TSC2: variants seen among roughly 807,000 people sequenced by gnomAD.
TSC2 encodes the protein TSC complex subunit 2, also known as tuberin.
In TSC2, 29 loss-of-function variants were observed where a neutral mutation model predicts 202.2. The observed-to-expected ratio is 0.14, with a 90% CI of 0.11 to 0.20. The LOEUF is 0.20. TSC2 is among the 10% of genes least tolerant of loss of function. The pLI is 1.00. For missense variants in TSC2, 2,429 were observed against 2,420.0 expected (o/e 1.00, Z -0.08); for synonymous variants, 1,349 against 1,044.0 (o/e 1.29, Z -5.63).
At chr16:2,073,982 G>A (rs1380605398) in intron 21 of TSC2, among the ~76,000 whole-genome samples, 2 of 152,262 alleles carry the variant, frequency 1.3e-5, no homozygotes, top group African/African-American at 2.4e-5. Flanking sequence ...TCTGGGTTCT[G>A]TTGGCCTGTG....
intron 30 of TSC2, chr16:2,080,621 C>T: frequency 1.9e-6 from 1 of 528,510 alleles, no homozygotes; most frequent in Non-Finnish European, 3.4e-6. Context: ...GTAGCTGGGA[C>T]CACAGGCGCC....
chr16:2,056,047 C>A (rs2085766317), intron 6 of TSC2, 149 bp from the exon 7 acceptor site: 1 of 899,402 alleles, frequency 1.1e-6, no homozygotes. Flanking sequence ...TGGCGCACAG[C>A]AGGCACCTGA....
intron 26 of TSC2, chr16:2,078,743 C>T (rs937613487): frequency 1.2e-5 from 6 of 496,078 alleles, no homozygotes; most frequent in Non-Finnish European, 2.2e-5. Flanking sequence ...GCCAGGAGGC[C>T]GTAACCTAGT....
intron 30 of TSC2, chr16:2,080,650 ATTT>A (rs747295865): frequency 2.2e-6 from 1 of 448,444 alleles, no homozygotes; most frequent in Non-Finnish European, 4.1e-6. Flanking sequence ...CGCCTGGCCA[ATTT>A]TTTTGTATTT....
chr16:2,055,376 G>T, intron 5 of TSC2, 26 bp from the exon 6 acceptor site: 1 of 1,597,476 alleles, frequency 6.3e-7, no homozygotes, highest in Non-Finnish European at 8.6e-7. Flanking sequence ...CGGCGTCCTC[G>T]CAAACTGCCG....
intron 38 of TSC2, chr16:2,087,120 G>T: frequency 1.7e-6 from 1 of 585,276 alleles, no homozygotes; most frequent in East Asian, 3.1e-5. Flanking sequence ...GGTGTGCTGG[G>T]TGGGCACAGT....
At chr16:2,078,556 C>G (rs1218500045) in intron 26 of TSC2, 1 of 263,936 alleles carries the variant, frequency 3.8e-6, no homozygotes, top group African/African-American at 2.2e-5. Context: ...CTCCCATAAG[C>G]CTCTTCCCTG....
chr16:2,084,209 T>G lies in TSC2; in HGVS notation c.4006-19T>G, dbSNP rs200900825. The G allele has an allele frequency of 1.5e-5, 23 of 1,566,028 alleles. No individual in the cohort carries two copies. The African/African-American group carries it at 2.9e-4, about 19-fold the overall frequency. ...GGGTGCCTGCTGACAGGGGTTCTCTTTGGGATGGTCCTTTCTAGTCGTCCT... is the reference window on the plus strand; with the variant it reads ...GGGTGCCTGCTGACAGGGGTTCTCTGTGGGATGGTCCTTTCTAGTCGTCCT... On this transcript the variant is annotated intron_variant, in intron 33 of 41. Coordinates refer to ENST00000219476, the MANE Select transcript of TSC2 (RefSeq NM_000548.5).
chr16:2,078,656 C>T lies in TSC2; in HGVS notation c.2967-376C>T, dbSNP rs1046634724. ...GGATCCCAGACCTCTGTGTGCTTGCCGGAGGCAGCCTGCGGGCAGAATGCA... is the reference window on the plus strand; with the variant it reads ...GGATCCCAGACCTCTGTGTGCTTGCTGGAGGCAGCCTGCGGGCAGAATGCA... On this transcript the variant is annotated intron_variant, in intron 26 of 41. Transcript: ENST00000219476. 35 of 359,256 alleles carry T rather than the reference C, an allele frequency of 9.7e-5. No individual in the cohort carries two copies. In the East Asian group the frequency reaches 1.0e-3, roughly 11 times the overall value. 22.3% of individuals were successfully genotyped at this position (359,256 alleles called of 1,614,324 possible).
At position 2,079,834 on chromosome 16, in the gene TSC2, C is replaced by T. The variant is rs1030677013; in HGVS notation, c.3397+165C>T. On this transcript the variant is annotated intron_variant, in intron 29 of 41. Coordinates refer to ENST00000219476, the MANE Select transcript of TSC2 (RefSeq NM_000548.5). The surrounding 1 kb of genome is among the most constrained non-coding windows in gnomAD (Gnocchi z 4.6). ...AGCCTTCCACAGCTCACCCCAGAGC[C>T]GTGGAGTGGTGGAGTGTGGCCCGCT... Among the ~76,000 whole-genome samples, 1 of 152,134 alleles carries T rather than the reference C, an allele frequency of 6.6e-6. No individual in the cohort carries two copies. Among genetic ancestry groups the T allele is most frequent in the African/African-American group, 2.4e-5 (1 of 41,430 alleles).
chr16:2,057,191 G>T lies in TSC2; in HGVS notation c.848+13G>T, dbSNP rs1402619251. The T allele has an allele frequency of 2.6e-6, 4 of 1,551,522 alleles. No individual in the cohort carries two copies. The Admixed American group carries it at 7.8e-5, about 30-fold the overall frequency. ...TCATGGAGGACAGGTGAGTGTGGTGGGTGGGGCGCAGGGCAGTGGAGGCCA... is the reference window on the plus strand; with the variant it reads ...TCATGGAGGACAGGTGAGTGTGGTGTGTGGGGCGCAGGGCAGTGGAGGCCA... On this transcript the variant is annotated intron_variant, in intron 9 of 41. Transcript: ENST00000219476.
intron 16 of TSC2, among the ~76,000 whole-genome samples, chr16:2,069,890 G>A (rs894351972): frequency 6.6e-6 from 1 of 152,218 alleles, no homozygotes; most frequent in Non-Finnish European, 1.5e-5. Flanking sequence ...TGGGATTACA[G>A]GCGTGAGCCA....
rs1332296997 is a variant in TSC2, at chr16:2,087,903, A to C, written c.5030A>C (p.Asp1677Ala). The part of the protein sequence containing the change: ...NFVHVIVTPL[D>A]YECNLVSLQC... ...GTCCACGTGATCGTCACCCCGCTGG[A>C]CTACGAGTGCAACCTGGTGTCCCTG... Residue 1677 changes from aspartate to alanine, a missense_variant, in exon 39 of 42, where the codon GAC becomes GCC. Asp to Ala is a moderately radical substitution (Grantham distance 126, BLOSUM62 -2). Transcript: ENST00000219476. 1 of 1,611,524 alleles carries C rather than the reference A, an allele frequency of 6.2e-7. No individual in the cohort carries two copies. Among genetic ancestry groups the C allele is most frequent in the Non-Finnish European group, 8.5e-7 (1 of 1,179,778 alleles).
chr16:2,073,946 G>T (rs1032692760), intron 21 of TSC2, among the ~76,000 whole-genome samples: 1 of 152,288 alleles, frequency 6.6e-6, no homozygotes, highest in African/African-American at 2.4e-5. Context: ...GAAGGGCCCA[G>T]AACCAGGGGA....
At position 2,072,917 on chromosome 16, in the gene TSC2, C is replaced by T. The variant is rs1319959937; in HGVS notation, c.2289C>T (p.His763=). The change falls in exon 21 of 42, where the codon CAC becomes CAT. Residue 763 remains histidine (H), a synonymous_variant. Transcript: ENST00000219476. ...AAGGCTTCTCCAGAACTGACTTGCA[C>T]CTGGCCGTGGTTCCAGTGCTGACAG... ...APEGFSRTDL[H]LAVVPVLTAL... 6.2e-7 allele frequency: 1 copy of T among 1,613,698 alleles called. No individual in the cohort carries two copies. The highest frequency in any genetic ancestry group is 8.5e-7 in the Non-Finnish European group (1 of 1,180,042).
chr16:2,075,899 G>A lies in TSC2; in HGVS notation c.2639+7G>A, dbSNP rs2151382537. The A allele has an allele frequency of 6.2e-7, 1 of 1,613,112 alleles. No individual in the cohort carries two copies. Among genetic ancestry groups the A allele is most frequent in the Non-Finnish European group, 8.5e-7 (1 of 1,179,998 alleles). On this transcript the variant is annotated splice_region_variant and intron_variant, in intron 23 of 41. Coordinates refer to ENST00000219476, the MANE Select transcript of TSC2 (RefSeq NM_000548.5). ...CGTACACCAACCCCTCCAAGTGAGTGGTCGCCCCAGGCCCTGTGCCTCCCA... is the reference window on the plus strand; with the variant it reads ...CGTACACCAACCCCTCCAAGTGAGTAGTCGCCCCAGGCCCTGTGCCTCCCA...
At position 2,084,957 on chromosome 16, in the gene TSC2, G is replaced by A. The variant is rs2090578725; in HGVS notation, c.4500G>A (p.Val1500=). The A allele has an allele frequency of 1.9e-6, 3 of 1,613,302 alleles. No individual in the cohort carries two copies. The highest frequency in any genetic ancestry group is 2.5e-6 in the Non-Finnish European group (3 of 1,179,972). Residue 1500 remains valine, a synonymous_variant, in exon 35 of 42, where the codon GTG becomes GTA. Transcript: ENST00000219476. ...CCATCCCCTCCCTGTGCAGTTTCGT[G>A]TTCCTGCAGCTCTACCATTCCCCCT... ...EKVPGINPSF[V]FLQLYHSPFF...
chr16:2,076,461 C>G (rs1357190030), intron 24 of TSC2, 30 bp from the exon 25 acceptor site: 2 of 1,612,626 alleles, frequency 1.2e-6, no homozygotes, highest in Non-Finnish European at 1.7e-6. Flanking sequence ...ATTGCCACCC[C>G]TCACTGTCTG....
chr16:2,050,504 A>G lies in TSC2; in HGVS notation c.225+18A>G, dbSNP rs1402832502. On this transcript the variant is annotated intron_variant, in intron 3 of 41. Coordinates refer to ENST00000219476, the MANE Select transcript of TSC2 (RefSeq NM_000548.5). ...TTGAAGAGGTAGGTTTATCCAGTTG[A>G]GCTACTAGAGAGAGGCACGTAGACT... The G allele has an allele frequency of 2.5e-6, 4 of 1,610,250 alleles. No homozygotes were observed. Among genetic ancestry groups the G allele is most frequent in the Non-Finnish European group, 3.4e-6 (4 of 1,177,284 alleles).
Sources: gnomAD v4.1 joint callset for allele counts (sites outside exome capture counted in the v4.1 genomes callset) on GRCh38, gnomAD v4.1.1 for gene constraint, Gnocchi (gnomAD v3.1) non-coding constraint, MANE v1.5 for transcripts, NCBI Gene and HGNC (gene_info 2026-07-23, HGNC 2026-07-21) for gene names.